AHCTF1: variants seen among roughly 807,000 people sequenced by gnomAD.
AHCTF1 encodes the protein protein ELYS.
Under a neutral mutation model 248.4 loss-of-function variants are expected in AHCTF1, and 24 were observed. The observed-to-expected ratio is 0.10, with a 90% CI of 0.07 to 0.14. The LOEUF (loss-of-function observed/expected upper bound fraction) is 0.14, where lower values mean the gene tolerates loss of function less well. AHCTF1 is among the 10% of genes least tolerant of loss of function. The probability of loss-of-function intolerance (pLI) is 1.00; values close to 1 mark genes in which losing one functional copy is unlikely to be tolerated. For missense variants in AHCTF1, 2,206 were observed against 2,636.2 expected, an observed-to-expected ratio of 0.84 and a Z score of 3.57; for synonymous variants, 786 against 929.8, an observed-to-expected ratio of 0.85 and a Z score of 2.81.
Position 246,849,505 on chromosome 1 carries a change from AG to A in AHCTF1, c.6391+109del, listed in dbSNP as rs2103039900. On this transcript the variant is annotated intron_variant, in intron 33 of 35. Transcript: ENST00000648844. ...CTACTAAAAGATCAATTTTGGTTTG[AG>A]GGGGGAAGGGGAAAAATTCCCTATA... 2.8e-6 allele frequency: 4 copies of A among 1,406,828 alleles called. No individual in the cohort carries two copies. The South Asian group carries it at 4.5e-5, about 16-fold the overall frequency. 87.1% of individuals were successfully genotyped at this position (1,406,828 alleles called of 1,614,324 possible).
chr1:246,868,079 C>A (rs1300511841), intron 24 of AHCTF1, among the ~76,000 whole-genome samples: 1 of 151,652 alleles, frequency 6.6e-6, no homozygotes, highest in East Asian at 1.9e-4. Context: ...TCTCCTGCCT[C>A]AGCCTCCCAA....
intron 1 of AHCTF1, 54 bp from the exon 2 acceptor site, chr1:246,918,431 C>A: frequency 6.7e-7 from 1 of 1,484,570 alleles, no homozygotes; most frequent in Non-Finnish European, 9.1e-7. Flanking sequence ...AGACAATATA[C>A]TTGATTATGT....
intron 33 of AHCTF1, among the ~76,000 whole-genome samples, chr1:246,846,155 G>A (rs1660244641): frequency 6.7e-6 from 1 of 149,694 alleles, no homozygotes; most frequent in Non-Finnish European, 1.5e-5. Flanking sequence ...TGTATGAAAT[G>A]TGAAGTTTCA....
chr1:246,920,164 A>AAG lies in AHCTF1; in HGVS notation c.-7-1788_-7-1787insCT, dbSNP rs1558280522. 3.3e-5 allele frequency among the ~76,000 whole-genome samples: 5 copies of AAG among 149,448 alleles called. 1 individual carries two copies. Among genetic ancestry groups the AAG allele is most frequent in the African/African-American group, 1.2e-4 (5 of 40,206 alleles). On this transcript the variant is annotated intron_variant, in intron 1 of 35. Coordinates refer to ENST00000648844, the MANE Select transcript of AHCTF1 (RefSeq NM_001323342.2). ...CCGCAAAAAAAAAAAAAAAAAAAAA[A>AAG]AAAAGAAAAGAAGCTCACAGTCCAA...
intron 32 of AHCTF1, among the ~76,000 whole-genome samples, chr1:246,852,672 T>G (rs1660798082): frequency 6.6e-6 from 1 of 152,170 alleles, no homozygotes; most frequent in Non-Finnish European, 1.5e-5. Flanking sequence ...AACCTTTCAT[T>G]TGAACCAGAT....
intron 35 of AHCTF1, among the ~76,000 whole-genome samples, chr1:246,841,696 C>T (rs1422634324): frequency 1.3e-5 from 2 of 152,188 alleles, no homozygotes; most frequent in Non-Finnish European, 2.9e-5. Context: ...GGTAAACCAT[C>T]CCACTTCCCT....
At chr1:246,869,426 A>G (rs911146130) in intron 24 of AHCTF1, among the ~76,000 whole-genome samples, 1 of 152,244 alleles carries the variant, frequency 6.6e-6, no homozygotes, top group African/African-American at 2.4e-5. Flanking sequence ...CAAGTTGTAA[A>G]TGCAAAAAAG....
intron 24 of AHCTF1, among the ~76,000 whole-genome samples, chr1:246,874,072 TTTA>T (rs1459979897): frequency 2.0e-5 from 3 of 152,194 alleles, no homozygotes; most frequent in Admixed American, 6.5e-5. Context: ...CCATTAATAT[TTTA>T]TTATTAAAAA....
rs758681386 is a variant in AHCTF1, at chr1:246,849,693, T to C, written c.6313A>G (p.Ile2105Val). Residue 2105 changes from isoleucine to valine, a missense_variant, in exon 33 of 36, where the codon ATC becomes GTC. Ile to Val is a conservative substitution (Grantham distance 29). Coordinates refer to ENST00000648844, the MANE Select transcript of AHCTF1 (RefSeq NM_001323342.2). ...GGTTCAGAAAGGTCCGGCAACAAGA[T>C]GGCCTTGCTAGACCGAGTCCTGCTG... ...RSSRTRSSKA[I>V]LLPDLSEPNN... 1 of 1,614,026 alleles carries C rather than the reference T, an allele frequency of 6.2e-7. No individual in the cohort carries two copies. Among genetic ancestry groups the C allele is most frequent in the South Asian group, 1.1e-5 (1 of 91,082 alleles).
At chr1:246,902,503 T>C (rs997934287) in intron 8 of AHCTF1, 22 bp downstream of exon 8, 5 of 1,593,968 alleles carry the variant, frequency 3.1e-6, no homozygotes, top group African/African-American at 2.7e-5. Flanking sequence ...TCACATGACA[T>C]ATTTCAAGTA....
intron 24 of AHCTF1, among the ~76,000 whole-genome samples, chr1:246,870,340 T>C (rs1346515514): frequency 6.6e-6 from 1 of 152,134 alleles, no homozygotes; most frequent in Non-Finnish European, 1.5e-5. Context: ...GGAGGATCAC[T>C]TGAGCTCAGA....
In AHCTF1 at chr1:246,926,954, C is replaced by T. The variant is rs541508402; in HGVS notation, c.-8+4624G>A. Among the ~76,000 whole-genome samples, 3 of 150,918 alleles carry T rather than the reference C, an allele frequency of 2.0e-5. No individual in the cohort carries two copies. In the South Asian group the frequency reaches 6.3e-4, roughly 32 times the overall value. On this transcript the variant is annotated intron_variant, in intron 1 of 35. Transcript: ENST00000648844. ...CTTTGGGAGGCTAAGGCGGGCGGAT[C>T]ACGAGGTCAGGAGATCGAGACCATC...
chr1:246,871,461 G>A (rs907238802), intron 24 of AHCTF1, among the ~76,000 whole-genome samples: 1 of 152,078 alleles, frequency 6.6e-6, no homozygotes, highest in East Asian at 1.9e-4. Flanking sequence ...CTAGTCAAAA[G>A]GACCTAAAAA....
At chr1:246,844,428 A>G (rs1448296620) in intron 33 of AHCTF1, among the ~76,000 whole-genome samples, 1 of 152,178 alleles carries the variant, frequency 6.6e-6, no homozygotes, top group Non-Finnish European at 1.5e-5. Context: ...CATCTCCACA[A>G]AAGGAGAAAG....
At position 246,928,289 on chromosome 1, in the gene AHCTF1, C is replaced by T. The variant is rs952929641; in HGVS notation, c.-8+3289G>A. On this transcript the variant is annotated intron_variant, in intron 1 of 35. Coordinates refer to ENST00000648844, the MANE Select transcript of AHCTF1 (RefSeq NM_001323342.2). ...CTGCACTGTAGCCTGGGCGACAGAG[C>T]GAGACTCCGTCTCAAAAAAAAAAAA... 3.5e-4 allele frequency among the ~76,000 whole-genome samples: 47 copies of T among 133,090 alleles called. 1 individual carries two copies. Among genetic ancestry groups the T allele is most frequent in the South Asian group, 2.4e-4 (1 of 4,242 alleles). The allele number at this position is 133,090 out of a possible 152,430, so 87.3% of individuals were successfully genotyped here. A position where few individuals can be genotyped will look rare whatever the true frequency, so the allele number is the denominator to read the frequency against.
rs1365717330 is a variant in AHCTF1, at chr1:246,867,895, C to CA, written c.3089-85_3089-84insT. 5.4e-6 allele frequency: 3 copies of CA among 554,686 alleles called. 1 individual carries two copies. Among genetic ancestry groups the CA allele is most frequent in the Non-Finnish European group, 7.9e-6 (3 of 377,466 alleles). 34.4% of individuals were successfully genotyped at this position (554,686 alleles called of 1,614,324 possible). A position where few individuals can be genotyped will look rare whatever the true frequency, so the allele number is the denominator to read the frequency against. ...AGCATATGAAAGAATGATTACACCC[C>CA]CCCCCCCACACACACACACACACAC... On this transcript the variant is annotated intron_variant, in intron 24 of 35. Transcript: ENST00000648844.
chr1:246,899,527 T>TA lies in AHCTF1; in HGVS notation c.1433-16dup. 1 of 1,597,934 alleles carries TA rather than the reference T, an allele frequency of 6.3e-7. No individual in the cohort carries two copies. The highest frequency in any genetic ancestry group is 1.1e-5 in the South Asian group (1 of 89,172). On this transcript the variant is annotated splice_polypyrimidine_tract_variant and intron_variant, in intron 10 of 35. Coordinates refer to ENST00000648844, the MANE Select transcript of AHCTF1 (RefSeq NM_001323342.2). Reference sequence around the variant, plus strand: ...ACAAGTGGCATCTAAAAAAAAGATTTAAAAAATAATCCACTTACATATATT... The same window carrying TA: ...ACAAGTGGCATCTAAAAAAAAGATTTAAAAAAATAATCCACTTACATATATT...
At chr1:246,869,107 G>A (rs1200573238) in intron 24 of AHCTF1, among the ~76,000 whole-genome samples, 2 of 151,010 alleles carry the variant, frequency 1.3e-5, no homozygotes, top group Non-Finnish European at 2.9e-5. Context: ...GCCTCCCAAA[G>A]TGCTGGATTA....
chr1:246,857,646 TA>T (rs769287506), intron 30 of AHCTF1, 44 bp downstream of exon 30: 2 of 1,556,300 alleles, frequency 1.3e-6, no homozygotes, highest in Non-Finnish European at 1.7e-6. Context: ...ATAATTTCAT[TA>T]AACTTCTTTC....
Sources: gnomAD v4.1 joint callset for allele counts (sites outside exome capture counted in the v4.1 genomes callset) on GRCh38, gnomAD v4.1.1 for gene constraint, MANE v1.5 for transcripts, NCBI Gene and HGNC (gene_info 2026-07-23, HGNC 2026-07-21) for gene names.